RAPGEF5: variants seen among roughly 807,000 people sequenced by gnomAD.
RAPGEF5 encodes the protein M-Ras-regulated GEF.
A neutral mutation model predicts 125.2 loss-of-function variants in RAPGEF5; 65 were observed. The observed-to-expected ratio is 0.52, with a 90% confidence interval of 0.43 to 0.64. RAPGEF5 has a LOEUF of 0.64. Ranked by LOEUF, RAPGEF5 falls within the 30% of genes least tolerant of loss-of-function variation. RAPGEF5 has a pLI of 0.00. For synonymous variants in RAPGEF5, 391 were observed against 385.9 expected (o/e 1.01, Z -0.16); for missense variants, 958 against 1,048.1 (o/e 0.91, Z 1.19).
intron 11 of RAPGEF5, among the ~76,000 whole-genome samples, chr7:22,191,172 C>T (rs942901874): frequency 2.0e-5 from 3 of 152,084 alleles, no homozygotes; most frequent in Admixed American, 6.5e-5. Context: ...GCTTAGTATT[C>T]GAGCTATTAA....
chr7:22,169,849 G>C (rs1211932527), intron 11 of RAPGEF5, among the ~76,000 whole-genome samples: 2 of 17,134 alleles, frequency 1.2e-4, no homozygotes, highest in Non-Finnish European at 2.0e-4. Context: ...AACAGAGCGA[G>C]ACTCTGTGTC....
Position 22,130,427 on chromosome 7 carries a change from G to A in RAPGEF5, c.2481+610C>T, listed in dbSNP as rs544561814. Among the ~76,000 whole-genome samples, 4 of 152,282 alleles carry A rather than the reference G, an allele frequency of 2.6e-5. No homozygotes were observed. In the East Asian group the frequency reaches 5.8e-4, roughly 22 times the overall value. Reference sequence around the variant, plus strand: ...AAACATTTAGAGAGGATTGCCCTGGGAACCTCTTGCTTGTAAGGAGGGAGG... The same window carrying A: ...AAACATTTAGAGAGGATTGCCCTGGAAACCTCTTGCTTGTAAGGAGGGAGG... On this transcript the variant is annotated intron_variant, in intron 24 of 25. Transcript: ENST00000665637.
intron 5 of RAPGEF5, among the ~76,000 whole-genome samples, chr7:22,301,008 A>T (rs983825839): frequency 3.9e-5 from 6 of 152,242 alleles, no homozygotes; most frequent in Non-Finnish European, 7.3e-5. Flanking sequence ...AACGCTGGGA[A>T]ATAAAAGAAA....
chr7:22,139,036 G>T (rs1474406423), intron 21 of RAPGEF5, among the ~76,000 whole-genome samples: 1 of 152,144 alleles, frequency 6.6e-6, no homozygotes, highest in African/African-American at 2.4e-5. Context: ...TGACCCTTGG[G>T]TCAGCACAGT....
intron 7 of RAPGEF5, among the ~76,000 whole-genome samples, chr7:22,250,054 A>C (rs1391673513): frequency 6.6e-6 from 1 of 152,202 alleles, no homozygotes; most frequent in Non-Finnish European, 1.5e-5. Flanking sequence ...ATTATTTTAC[A>C]AAGTATCTAT....
At chr7:22,204,884 G>T (rs1039802921) in intron 9 of RAPGEF5, among the ~76,000 whole-genome samples, 17 of 152,128 alleles carry the variant, frequency 1.1e-4, no homozygotes, top group Non-Finnish European at 4.4e-5. Flanking sequence ...AAACCAGAAG[G>T]TAAAAAGGAA....
chr7:22,150,375 T>C (rs533522299), intron 18 of RAPGEF5, 32 bp downstream of exon 18: 1 of 1,588,184 alleles, frequency 6.3e-7, no homozygotes, highest in Non-Finnish European at 8.5e-7. Flanking sequence ...GCCTGGCCTG[T>C]TTGTTTCAAA....
chr7:22,267,877 T>C (rs895497380), intron 6 of RAPGEF5, among the ~76,000 whole-genome samples: 3 of 152,040 alleles, frequency 2.0e-5, no homozygotes, highest in South Asian at 2.1e-4. Flanking sequence ...TTTTTTTTTT[T>C]CGGCGGGTGG....
At chr7:22,214,753 A>AT (rs574338017) in intron 9 of RAPGEF5, among the ~76,000 whole-genome samples, 86 of 140,738 alleles carry the variant, frequency 6.1e-4, no homozygotes, top group African/African-American at 2.3e-3. Context: ...CTCTGAGTGC[A>AT]TGCCCTCTTT....
intron 7 of RAPGEF5, among the ~76,000 whole-genome samples, chr7:22,255,686 T>C (rs1034717879): frequency 6.6e-6 from 1 of 152,224 alleles, no homozygotes; most frequent in African/African-American, 2.4e-5. Context: ...TAAAATATTT[T>C]GGTACATGAA....
At chr7:22,161,140 C>T (rs1423082910) in intron 13 of RAPGEF5, among the ~76,000 whole-genome samples, 4 of 152,144 alleles carry the variant, frequency 2.6e-5, no homozygotes, top group East Asian at 1.9e-4. Flanking sequence ...ACCCAGGAGG[C>T]GGAGCTTGCA....
chr7:22,203,761 T>G (rs1039462771), intron 9 of RAPGEF5, among the ~76,000 whole-genome samples: 7 of 152,146 alleles, frequency 4.6e-5, no homozygotes, highest in Admixed American at 6.6e-5. Flanking sequence ...GGACCAGGGC[T>G]CCTCAGCAGT....
intron 7 of RAPGEF5, among the ~76,000 whole-genome samples, chr7:22,244,174 A>G (rs1258614874): frequency 2.0e-5 from 3 of 152,180 alleles, no homozygotes; most frequent in African/African-American, 7.2e-5. Context: ...GTGTGTATAT[A>G]TACATATATA....
At chr7:22,257,101 C>T (rs1430896111) in intron 7 of RAPGEF5, among the ~76,000 whole-genome samples, 1 of 152,188 alleles carries the variant, frequency 6.6e-6, no homozygotes, top group East Asian at 1.9e-4. Flanking sequence ...TAACCTCTTG[C>T]AGTTAGACAG....
chr7:22,261,174 G>A (rs1226408062), intron 7 of RAPGEF5, among the ~76,000 whole-genome samples: 1 of 152,008 alleles, frequency 6.6e-6, no homozygotes, highest in Non-Finnish European at 1.5e-5. Flanking sequence ...GGAAATAATT[G>A]GAAAAGGGCA....
rs1444483131 is a variant in RAPGEF5, at chr7:22,230,880, G to A, written c.836C>T (p.Ala279Val). The A allele has an allele frequency of 6.4e-7, 1 of 1,566,314 alleles. No homozygotes were observed. Among genetic ancestry groups the A allele is most frequent in the Admixed American group, 1.9e-5 (1 of 52,898 alleles). The change falls in exon 8 of 26, where the codon GCT becomes GTT. Residue 279 changes from alanine to valine, a missense_variant. By Grantham distance (64) the Ala-to-Val change is moderately conservative. Transcript: ENST00000665637. ...QDEENNDKHV[A>V]VTEAESVPDS... ...TGGAACACTTTCGGCTTCTGTTACAGCTACATGTTTGTCGTTGTTTTCTTC... is the reference window on the plus strand; with the variant it reads ...TGGAACACTTTCGGCTTCTGTTACAACTACATGTTTGTCGTTGTTTTCTTC...
intron 5 of RAPGEF5, among the ~76,000 whole-genome samples, chr7:22,301,647 A>G (rs567782576): frequency 5.9e-4 from 90 of 151,600 alleles, no homozygotes; most frequent in Non-Finnish European, 8.0e-4. Context: ...TTAAGAGTAG[A>G]TAGGCCGAAA....
At chr7:22,222,013 G>GAGGAGGGTGGATCACCTGATGTC (rs1156611853) in intron 8 of RAPGEF5, among the ~76,000 whole-genome samples, 3 of 152,242 alleles carry the variant, frequency 2.0e-5, no homozygotes, top group Admixed American at 6.5e-5. Context: ...TTGGGAGGCT[G>GAGGAGGGTGGATCACCTGATGTC]AGGAGGGTGG....
In RAPGEF5 at chr7:22,150,592, A is replaced by C. The variant is rs1430253296; in HGVS notation, c.1787-88T>G. On this transcript the variant is annotated intron_variant, in intron 17 of 25. Coordinates refer to ENST00000665637, the MANE Select transcript of RAPGEF5 (RefSeq NM_012294.5). ...CCTACACAGTACACTTAAAAAGTGA[A>C]ACTTGCCAAAGAAAAATACTTAAAA... 6 of 1,464,298 alleles carry C rather than the reference A, an allele frequency of 4.1e-6. No individual in the cohort carries two copies. In the Admixed American group the frequency reaches 1.2e-4, roughly 29 times the overall value. 90.7% of individuals were successfully genotyped at this position (1,464,298 alleles called of 1,614,324 possible).
Sources: allele counts gnomAD v4.1 joint callset (sites outside exome capture counted in the v4.1 genomes callset), GRCh38; gene constraint gnomAD v4.1.1; transcripts MANE v1.5; gene names NCBI Gene and HGNC (gene_info 2026-07-23, HGNC 2026-07-21).